PRR16: variants seen among roughly 807,000 people sequenced by gnomAD.
PRR16 encodes protein Largen.
PRR16 carries 6 observed loss-of-function variants against 18.2 expected under a neutral mutation model. The ratio of observed to expected loss-of-function variants is 0.33; its 90% CI spans 0.18 to 0.65. PRR16 has a LOEUF of 0.65. Ranked by LOEUF, PRR16 falls within the 30% of genes least tolerant of loss-of-function variation. PRR16 has a pLI of 0.74. For missense variants in PRR16, 412 were observed against 376.6 expected (o/e 1.09, Z -0.78); for synonymous variants, 151 against 147.8 (o/e 1.02, Z -0.16).
intron 1 of PRR16, among the ~76,000 whole-genome samples, chr5:120,615,349 A>G (rs183691506): frequency 6.8e-6 from 1 of 147,598 alleles, no homozygotes; most frequent in Non-Finnish European, 1.5e-5. Context: ...ATAGGCCCTT[A>G]GGCCACTTTC....
the PRR16 span, among the ~76,000 whole-genome samples, chr5:120,708,253 C>T: frequency 6.6e-6 from 1 of 152,184 alleles, no homozygotes; most frequent in Non-Finnish European, 1.5e-5. Flanking sequence ...TTGTTCATTA[C>T]TCCTTGCTCT....
Position 120,657,038 on chromosome 5 carries a change from G to A in PRR16, c.160-28916G>A, listed in dbSNP as rs114895227. ...TTAAATTAAAGAGCTTAGATTGTTC[G>A]AAAGAAGATTGCACCTCAGTTATTT... On this transcript the variant is annotated intron_variant, in intron 1 of 1. Coordinates refer to ENST00000407149, the MANE Select transcript of PRR16 (RefSeq NM_001300783.2). Among the ~76,000 whole-genome samples, 665 of 152,044 alleles carry A rather than the reference G, an allele frequency of 4.4e-3. 4 individuals carry two copies. Among genetic ancestry groups the A allele is most frequent in the African/African-American group, 0.015 (639 of 41,520 alleles).
intron 1 of PRR16, among the ~76,000 whole-genome samples, chr5:120,540,912 A>C (rs1217902446): frequency 6.6e-6 from 1 of 152,100 alleles, no homozygotes; most frequent in East Asian, 1.9e-4. Context: ...TTGGAACTTC[A>C]TTTTCAGCCC....
At position 120,520,167 on chromosome 5, in the gene PRR16, G is replaced by A. The variant is rs146949142; in HGVS notation, c.159+55522G>A. Among the ~76,000 whole-genome samples, 263 of 152,206 alleles carry A rather than the reference G, an allele frequency of 1.7e-3. 1 individual carries two copies. The highest frequency in any genetic ancestry group is 5.8e-3 in the African/African-American group (241 of 41,526). On this transcript the variant is annotated intron_variant, in intron 1 of 1. Coordinates refer to ENST00000407149, the MANE Select transcript of PRR16 (RefSeq NM_001300783.2). The stretch of plus-strand genomic sequence containing the variant: ...TCCCAGCACTTTGGGAGGCCAAGGC[G>A]GGTGGATCACTTGATGTCAGGCGTT...
the PRR16 span, among the ~76,000 whole-genome samples, chr5:120,763,515 GC>G: frequency 1.5e-4 from 23 of 151,916 alleles, no homozygotes; most frequent in Admixed American, 1.3e-4. Context: ...TGTCCTTTTT[GC>G]TCAGGATTGC....
At chr5:120,656,089 C>G (rs969241025) in intron 1 of PRR16, among the ~76,000 whole-genome samples, 2 of 151,744 alleles carry the variant, frequency 1.3e-5, no homozygotes, top group African/African-American at 2.4e-5. Flanking sequence ...AATTCCAAAC[C>G]CCCTAACTGC....
At chr5:120,487,429 C>G (rs1202620588) in intron 1 of PRR16, among the ~76,000 whole-genome samples, 1 of 152,142 alleles carries the variant, frequency 6.6e-6, no homozygotes, top group Non-Finnish European at 1.5e-5. Context: ...GGCGTTCACT[C>G]ATGGTTTGGC....
chr5:120,791,618 TCTATC>T, the PRR16 span, among the ~76,000 whole-genome samples: 1 of 149,482 alleles, frequency 6.7e-6, no homozygotes, highest in Non-Finnish European at 1.5e-5. Context: ...TATCTATCTA[TCTATC>T]CATCCATCTA....
At chr5:120,674,226 C>A (rs998731134) in intron 1 of PRR16, among the ~76,000 whole-genome samples, 2 of 152,006 alleles carry the variant, frequency 1.3e-5, no homozygotes, top group African/African-American at 4.8e-5. Flanking sequence ...ACCTGCATGC[C>A]GCTGTATATG....
intron 1 of PRR16, chr5:120,618,606 C>CA (rs1194441478): frequency 1.1e-6 from 1 of 877,908 alleles, no homozygotes; most frequent in African/African-American, 1.8e-5. Flanking sequence ...ATAAAATGGA[C>CA]AAAAAAGGTA....
chr5:120,504,166 C>T (rs1055824353), intron 1 of PRR16, among the ~76,000 whole-genome samples: 2 of 152,036 alleles, frequency 1.3e-5, no homozygotes, highest in Non-Finnish European at 2.9e-5. Flanking sequence ...TAATGCTATC[C>T]CTCCCCACTC....
chr5:120,548,105 T>C (rs1458065729), intron 1 of PRR16, among the ~76,000 whole-genome samples: 1 of 152,062 alleles, frequency 6.6e-6, no homozygotes, highest in Non-Finnish European at 1.5e-5. Flanking sequence ...GTAAAGAACC[T>C]TGATTTTAGA....
chr5:120,764,518 C>T, the PRR16 span, among the ~76,000 whole-genome samples: 32 of 151,724 alleles, frequency 2.1e-4, no homozygotes, highest in African/African-American at 6.5e-4. Flanking sequence ...GTAGTTTTAT[C>T]GCTGTGTGTT....
At chr5:120,720,480 G>A in the PRR16 span, among the ~76,000 whole-genome samples, 1 of 151,862 alleles carries the variant, frequency 6.6e-6, no homozygotes, top group East Asian at 1.9e-4. Flanking sequence ...GAGAATATTA[G>A]TTCTTACCCC....
chr5:120,612,241 T>G (rs1754359606), intron 1 of PRR16, among the ~76,000 whole-genome samples: 1 of 152,234 alleles, frequency 6.6e-6, no homozygotes, highest in South Asian at 2.1e-4. Flanking sequence ...AGAATTGCCT[T>G]GTCTCAGGTG....
At chr5:120,572,826 G>A (rs1486190254) in intron 1 of PRR16, among the ~76,000 whole-genome samples, 1 of 152,090 alleles carries the variant, frequency 6.6e-6, no homozygotes, top group Non-Finnish European at 1.5e-5. Context: ...GAAGATGTAG[G>A]GAATGGTCAA....
chr5:120,764,531 T>C, the PRR16 span, among the ~76,000 whole-genome samples: 1 of 152,100 alleles, frequency 6.6e-6, no homozygotes. Context: ...TGTGTGTTCC[T>C]GTCCTTTTCT....
At chr5:120,472,961 C>G (rs1178512819) in intron 1 of PRR16, among the ~76,000 whole-genome samples, 3 of 152,148 alleles carry the variant, frequency 2.0e-5, no homozygotes, top group Non-Finnish European at 4.4e-5. Flanking sequence ...CTTCTTAAAA[C>G]TGATTGCAGA....
At chr5:120,658,498 AATAAT>A (rs1165931516) in intron 1 of PRR16, 4 of 151,960 alleles carry the variant, frequency 2.6e-5, no homozygotes, top group African/African-American at 7.2e-5. Context: ...AATTGTTCCA[AATAAT>A]ATAATTAAAT....
Sources: gnomAD v4.1 joint callset for allele counts (sites outside exome capture counted in the v4.1 genomes callset) on GRCh38, gnomAD v4.1.1 for gene constraint, MANE v1.5 for transcripts, NCBI Gene and HGNC (gene_info 2026-07-23, HGNC 2026-07-21) for gene names.